GABRR1: variants seen among roughly 807,000 people sequenced by gnomAD.
GABRR1 encodes the protein gamma-aminobutyric acid type A receptor subunit rho1.
In GABRR1, 59 loss-of-function variants were observed where a neutral mutation model predicts 55.5. The ratio of observed to expected loss-of-function variants is 1.06; its 90% CI spans 0.86 to 1.32. The LOEUF is 1.32. Ranked by LOEUF, GABRR1 falls within the 40% of genes most tolerant of loss-of-function variation. The pLI is 0.00. For synonymous variants in GABRR1, 213 were observed against 226.0 expected, an observed-to-expected ratio of 0.94 and a Z score of 0.51; for missense variants, 602 against 619.1, an observed-to-expected ratio of 0.97 and a Z score of 0.29.
chr6:89,193,610 A>G (rs1772169602), intron 5 of GABRR1, among the ~76,000 whole-genome samples: 1 of 152,150 alleles, frequency 6.6e-6, no homozygotes, highest in Admixed American at 6.5e-5. Flanking sequence ...TCGGGAGCTG[A>G]TTGCTAGATT....
upstream of GABRR1, chr6:89,217,366 G>A: frequency 6.2e-7 from 1 of 1,602,500 alleles, no homozygotes; most frequent in Non-Finnish European, 8.5e-7. Flanking sequence ...CAGCAAAAAG[G>A]AAAAGATTGT....
intron 1 of GABRR1, among the ~76,000 whole-genome samples, chr6:89,224,429 G>A (rs1210554851): frequency 6.6e-6 from 1 of 152,122 alleles, no homozygotes; most frequent in African/African-American, 2.4e-5. Context: ...CTGATCATTT[G>A]TGATGTTGAG....
Position 89,190,283 on chromosome 6 carries a change from C to G in GABRR1, c.573-36G>C, listed in dbSNP as rs1462233927. 3 of 1,501,056 alleles carry G rather than the reference C, an allele frequency of 2.0e-6. No individual in the cohort carries two copies. In the South Asian group the frequency reaches 3.6e-5, roughly 18 times the overall value. 93.0% of individuals were successfully genotyped at this position (1,501,056 alleles called of 1,614,324 possible). A position where few individuals can be genotyped will look rare whatever the true frequency, so the allele number is the denominator to read the frequency against. On this transcript the variant is annotated intron_variant, in intron 5 of 9. Coordinates refer to ENST00000454853, the MANE Select transcript of GABRR1 (RefSeq NM_002042.5). The stretch of plus-strand genomic sequence containing the variant: ...AAAGACAAAATTGATTTATTCAGAG[C>G]CTGCAAAAGACGAGTGCAAAATGAT...
rs1582415198 is a variant in GABRR1 at position 89,229,342 on chromosome 6, A to G, written c.-411+1874T>C. On this transcript the variant is annotated intron_variant, in intron 1 of 11. Transcript: ENST00000369451. ...GGTGATTTTGCTCGTTAGTTGACAC[A>G]GTTTCTTCCTAGTCTCGATGGTCTT... 2.0e-5 allele frequency among the ~76,000 whole-genome samples: 3 copies of G among 149,348 alleles called. No homozygotes were observed. In the East Asian group the frequency reaches 5.9e-4, roughly 29 times the overall value.
chr6:89,210,521 C>T (rs1772802379), intron 1 of GABRR1, among the ~76,000 whole-genome samples: 1 of 152,086 alleles, frequency 6.6e-6, no homozygotes. Flanking sequence ...TTTTTGCATT[C>T]TACAAAAGTG....
In GABRR1 at chr6:89,181,934, C is replaced by T. The variant is rs754935132; in HGVS notation, c.920G>A (p.Arg307His). The change falls in exon 8 of 10, where the codon CGC becomes CAC. Residue 307 changes from arginine (R) to histidine (H), a missense_variant. By Grantham distance (29) the Arg-to-His change is conservative (BLOSUM62 0). Transcript: ENST00000454853. ...MLSWVSFWID[R>H]RAVPARVPLG... is the part of the protein sequence containing the mutation. ...GGGGACTCTGGCAGGCACGGCTCTG[C>T]GGTCGATCCAGAAGGACACCCAGGA... The T allele has an allele frequency of 1.5e-5, 24 of 1,613,292 alleles. No homozygotes were observed. The highest frequency in any genetic ancestry group is 1.6e-5 in the Non-Finnish European group (19 of 1,179,646).
chr6:89,224,055 C>G (rs185797013), intron 1 of GABRR1, among the ~76,000 whole-genome samples: 1 of 151,898 alleles, frequency 6.6e-6, no homozygotes, highest in East Asian at 1.9e-4. Context: ...GCCACCACGC[C>G]TGGCCGCCAG....
At chr6:89,183,859 G>A (rs422252) in intron 7 of GABRR1, among the ~76,000 whole-genome samples, 73,444 of 151,790 alleles carry the variant, frequency 0.48, 18,271 homozygotes, top group Middle Eastern at 0.55. Context: ...CTGGAGACTC[G>A]GAAGTGGAGA....
rs138077396 is a variant in GABRR1 at position 89,200,752 on chromosome 6, C to T, written c.280+407G>A. On this transcript the variant is annotated intron_variant, in intron 3 of 9. Coordinates refer to ENST00000454853, the MANE Select transcript of GABRR1 (RefSeq NM_002042.5). Reference sequence around the variant, plus strand: ...TTAATTAAAATGAGCAGACCACATTCCACCGTAAGATACATACCCTGAACT... The same window carrying T: ...TTAATTAAAATGAGCAGACCACATTTCACCGTAAGATACATACCCTGAACT... Among the ~76,000 whole-genome samples the T allele has an allele frequency of 2.3e-3, 346 of 152,290 alleles. 1 individual carries two copies. Among genetic ancestry groups the T allele is most frequent in the African/African-American group, 8.0e-3 (334 of 41,546 alleles).
At position 89,177,881 on chromosome 6, in the gene GABRR1, G is replaced by A. The variant is rs937482170; in HGVS notation, c.*889C>T. The A allele has an allele frequency of 1.3e-5, 2 of 152,168 alleles. No individual in the cohort carries two copies. The highest frequency in any genetic ancestry group is 3.8e-4 in the East Asian group (2 of 5,196). 9.4% of individuals were successfully genotyped at this position (152,168 alleles called of 1,614,324 possible). On this transcript the variant is annotated 3_prime_UTR_variant, in exon 10 of 10. Transcript: ENST00000454853. ...TGAGTTACAAGTAGTCCCAAATTAT[G>A]TATTTCCTTGAAGTGTTTATGCAGA... is the stretch of plus-strand genomic sequence containing the variant.
intron 3 of GABRR1, 26 bp from the exon 4 acceptor site, chr6:89,199,455 T>C (rs1695612653): frequency 6.2e-7 from 1 of 1,609,764 alleles, no homozygotes; most frequent in Non-Finnish European, 8.5e-7. Context: ...GGCAAGAGCA[T>C]TCACTGTTTT....
chr6:89,189,838 C>G (rs1276623839), intron 6 of GABRR1, among the ~76,000 whole-genome samples: 1 of 151,996 alleles, frequency 6.6e-6, no homozygotes, highest in Non-Finnish European at 1.5e-5. Flanking sequence ...CAAGGTCAGG[C>G]GTTGGAGATC....
chr6:89,213,825 T>C (rs934132297), intron 1 of GABRR1, among the ~76,000 whole-genome samples: 7 of 92,632 alleles, frequency 7.6e-5, no homozygotes, highest in African/African-American at 1.6e-4. Context: ...GCTTGGAGAT[T>C]ATGGGTAATT....
At chr6:89,187,712 A>G (rs1005756785) in intron 6 of GABRR1, among the ~76,000 whole-genome samples, 3 of 152,218 alleles carry the variant, frequency 2.0e-5, no homozygotes, top group Non-Finnish European at 2.9e-5. Flanking sequence ...TAAAAGTGAC[A>G]TCATACAGTA....
chr6:89,208,299 A>G (rs1312421510), intron 1 of GABRR1, among the ~76,000 whole-genome samples: 1 of 152,206 alleles, frequency 6.6e-6, no homozygotes, highest in Non-Finnish European at 1.5e-5. Flanking sequence ...AGCATTTTGT[A>G]TTTTTCCTTG....
Position 89,178,741 on chromosome 6 carries a change from A to C in GABRR1, c.*29T>G. The C allele has an allele frequency of 6.4e-7, 1 of 1,573,576 alleles. No homozygotes were observed. Among genetic ancestry groups the C allele is most frequent in the South Asian group, 1.1e-5 (1 of 90,290 alleles). On this transcript the variant is annotated 3_prime_UTR_variant, in exon 10 of 10. Transcript: ENST00000454853. ...GTTATTTCTGTAGTGCATGCCATGG[A>C]AATGTGAAATTTGTAGAATTACAAG... is the stretch of plus-strand genomic sequence containing the variant.
At chr6:89,195,121 G>A (rs1772219803) in intron 5 of GABRR1, among the ~76,000 whole-genome samples, 1 of 152,102 alleles carries the variant, frequency 6.6e-6, no homozygotes, top group Non-Finnish European at 1.5e-5. Context: ...AACAAAGAGA[G>A]GATCCCAAAA....
At chr6:89,194,722 G>A (rs1173355622) in intron 5 of GABRR1, among the ~76,000 whole-genome samples, 1 of 152,046 alleles carries the variant, frequency 6.6e-6, no homozygotes, top group South Asian at 2.1e-4. Context: ...CTGGAACTGA[G>A]AAATACATTT....
intron 1 of GABRR1, among the ~76,000 whole-genome samples, chr6:89,205,137 C>T (rs1388148134): frequency 1.3e-5 from 2 of 152,136 alleles, no homozygotes; most frequent in South Asian, 2.1e-4. Flanking sequence ...AAGTAGGCCT[C>T]GTCATTATCC....
Sources: gnomAD v4.1 joint callset for allele counts (sites outside exome capture counted in the v4.1 genomes callset) on GRCh38, gnomAD v4.1.1 for gene constraint, MANE v1.5 for transcripts, NCBI Gene and HGNC (gene_info 2026-07-23, HGNC 2026-07-21) for gene names.